Variants in DOCK4 observed in about 807,000 individuals in gnomAD.
DOCK4 encodes the protein dedicator of cytokinesis protein 4.
Under a neutral mutation model 268.1 loss-of-function variants are expected in DOCK4, and 97 were observed. The ratio of observed to expected loss-of-function variants is 0.36; its 90% CI spans 0.31 to 0.43. The LOEUF (loss-of-function observed/expected upper bound fraction) is 0.43, where lower values mean the gene tolerates loss of function less well. Ranked by LOEUF, DOCK4 falls within the 20% of genes least tolerant of loss-of-function variation. DOCK4 has a pLI of 1.00. For missense variants in DOCK4, 2,145 were observed against 2,455.7 expected (o/e 0.87, Z 2.67); for synonymous variants, 954 against 887.2 (o/e 1.08, Z -1.34).
At chr7:111,897,687 G>T (rs1808875511) in intron 15 of DOCK4, among the ~76,000 whole-genome samples, 1 of 152,158 alleles carries the variant, frequency 6.6e-6, no homozygotes, top group African/African-American at 2.4e-5. Flanking sequence ...ACCCCCCAGT[G>T]CTGGCTCAGT....
At chr7:112,024,370 G>A (rs996190154) in intron 1 of DOCK4, among the ~76,000 whole-genome samples, 1 of 151,904 alleles carries the variant, frequency 6.6e-6, no homozygotes, top group Non-Finnish European at 1.5e-5. Context: ...CTATGAAACC[G>A]AACTCCTGAA....
intron 42 of DOCK4, among the ~76,000 whole-genome samples, chr7:111,750,323 A>T (rs892542615): frequency 6.6e-6 from 1 of 152,218 alleles, no homozygotes; most frequent in Non-Finnish European, 1.5e-5. Flanking sequence ...ACAGACTAAA[A>T]GTAATTGCTA....
At chr7:111,798,550 A>T (rs1355605905) in intron 30 of DOCK4, among the ~76,000 whole-genome samples, 1 of 152,214 alleles carries the variant, frequency 6.6e-6, no homozygotes, top group African/African-American at 2.4e-5. Flanking sequence ...CCACTGTCAT[A>T]ATAGCTCTAC....
Position 111,991,524 on chromosome 7 carries a change from G to A in DOCK4, c.316-2361C>T, listed in dbSNP as rs563888308. Among the ~76,000 whole-genome samples the A allele has an allele frequency of 1.2e-4, 19 of 152,238 alleles. No homozygotes were observed. In the South Asian group the frequency reaches 2.7e-3, roughly 22 times the overall value. On this transcript the variant is annotated intron_variant, in intron 5 of 52. Coordinates refer to ENST00000428084, the MANE Select transcript of DOCK4 (RefSeq NM_001363540.2). ...AAAAAACAGCAAAAGTTAATTGAGA[G>A]TATTTTAGTGTTTTAGAAAGCGATG... is the stretch of plus-strand genomic sequence containing the variant.
intron 39 of DOCK4, among the ~76,000 whole-genome samples, chr7:111,764,179 GATACTAAA>G (rs1211744955): frequency 1.3e-5 from 2 of 152,182 alleles, no homozygotes; most frequent in Non-Finnish European, 2.9e-5. Flanking sequence ...TGTTCCACGT[GATACTAAA>G]ATGAACCTGT....
chr7:112,201,750 C>T (rs1820955871), intron 1 of DOCK4, among the ~76,000 whole-genome samples: 1 of 152,084 alleles, frequency 6.6e-6, no homozygotes, highest in Non-Finnish European at 1.5e-5. Flanking sequence ...ATCAAGAATG[C>T]TTTAGTCACC....
At chr7:112,001,840 G>A (rs757257642) in intron 2 of DOCK4, among the ~76,000 whole-genome samples, 17 of 152,230 alleles carry the variant, frequency 1.1e-4, no homozygotes, top group Non-Finnish European at 1.9e-4. Context: ...GTCTTAGGTC[G>A]CATCCCTTGC....
At chr7:112,029,908 T>C (rs1038725587) in intron 1 of DOCK4, among the ~76,000 whole-genome samples, 1 of 152,220 alleles carries the variant, frequency 6.6e-6, no homozygotes, top group Non-Finnish European at 1.5e-5. Context: ...TAAATAGCTA[T>C]AATATCTCAA....
chr7:112,066,512 C>CTA (rs113339431), intron 1 of DOCK4, among the ~76,000 whole-genome samples: 20,129 of 144,360 alleles, frequency 0.14, 4,574 homozygotes, highest in African/African-American at 0.48. Flanking sequence ...CTCTCTCTCT[C>CTA]TATATATATA....
intron 13 of DOCK4, among the ~76,000 whole-genome samples, chr7:111,907,642 G>T (rs1371725703): frequency 1.3e-5 from 2 of 152,190 alleles, no homozygotes; most frequent in East Asian, 3.8e-4. Flanking sequence ...CAGGGTTCAG[G>T]TCTAAGCTAA....
At chr7:112,152,581 G>C (rs1363644225) in intron 1 of DOCK4, among the ~76,000 whole-genome samples, 1 of 152,152 alleles carries the variant, frequency 6.6e-6, no homozygotes, top group Non-Finnish European at 1.5e-5. Context: ...CCCTGCCATC[G>C]ATTTTAAATC....
At chr7:111,842,076 A>C (rs55958983) in intron 25 of DOCK4, among the ~76,000 whole-genome samples, 7,125 of 152,322 alleles carry the variant, frequency 0.047, 275 homozygotes, top group East Asian at 0.19. Context: ...ACAGTGAAGG[A>C]GACATCCTTC....
At chr7:111,933,304 T>G (rs1329971549) in intron 12 of DOCK4, among the ~76,000 whole-genome samples, 1 of 134,392 alleles carries the variant, frequency 7.4e-6, no homozygotes, top group East Asian at 2.0e-4. Flanking sequence ...ATATATTTTT[T>G]TTTTTTTTTG....
chr7:111,997,780 C>A (rs754143028), intron 4 of DOCK4, among the ~76,000 whole-genome samples: 2 of 152,088 alleles, frequency 1.3e-5, no homozygotes, highest in Non-Finnish European at 2.9e-5. Context: ...AATCCATGGC[C>A]CCTTATGATG....
At chr7:111,936,017 A>T (rs1794711660) in intron 11 of DOCK4, among the ~76,000 whole-genome samples, 1 of 152,132 alleles carries the variant, frequency 6.6e-6, no homozygotes, top group African/African-American at 2.4e-5. Context: ...TCTTGTCTTA[A>T]TTTCCCCACC....
intron 8 of DOCK4, among the ~76,000 whole-genome samples, chr7:111,976,269 T>TTTTATATA (rs1554400806): frequency 3.0e-5 from 1 of 33,138 alleles, no homozygotes; most frequent in Non-Finnish European, 5.3e-5. Context: ...TGTGTGTCTA[T>TTTTATATA]TATATATATA....
chr7:111,773,418 C>A (rs190607273), intron 36 of DOCK4, among the ~76,000 whole-genome samples: 4 of 152,118 alleles, frequency 2.6e-5, no homozygotes, highest in African/African-American at 9.6e-5. Flanking sequence ...AAAGATTAAC[C>A]CAGTTTTGAA....
intron 1 of DOCK4, among the ~76,000 whole-genome samples, chr7:112,078,907 C>A (rs1442347575): frequency 1.3e-5 from 2 of 152,158 alleles, no homozygotes; most frequent in Admixed American, 6.5e-5. Context: ...AGGTGGATCA[C>A]ATGAGGCCAG....
chr7:111,871,933 C>T, intron 20 of DOCK4, 57 bp downstream of exon 20: 2 of 1,388,514 alleles, frequency 1.4e-6, no homozygotes, highest in South Asian at 2.8e-5. Flanking sequence ...GCCTCTTCTG[C>T]TGAGAAAAGC....
Sources: allele counts gnomAD v4.1 joint callset (sites outside exome capture counted in the v4.1 genomes callset), GRCh38; gene constraint gnomAD v4.1.1; transcripts MANE v1.5; gene names NCBI Gene and HGNC (gene_info 2026-07-23, HGNC 2026-07-21).